ANK2: variants seen among roughly 807,000 people sequenced by gnomAD.
ANK2 encodes ankyrin-2.
Under a neutral mutation model 360.5 loss-of-function variants are expected in ANK2, and 83 were observed. The observed-to-expected ratio is 0.23, with a 90% CI of 0.19 to 0.28. The LOEUF (loss-of-function observed/expected upper bound fraction) is 0.28, where lower values mean the gene tolerates loss of function less well. ANK2 is among the 10% of genes least tolerant of loss of function. The pLI is 1.00. For missense variants in ANK2, 4,201 were observed against 4,795.7 expected (o/e 0.88, Z 3.66); for synonymous variants, 1,740 against 1,759.5 (o/e 0.99, Z 0.28).
chr4:113,271,479 GACAC>G (rs3059950), intron 14 of ANK2, among the ~76,000 whole-genome samples: 20 of 150,426 alleles, frequency 1.3e-4, no homozygotes, highest in East Asian at 1.2e-3. Flanking sequence ...TGCACGCACA[GACAC>G]ACACACACAC....
intron 1 of ANK2, among the ~76,000 whole-genome samples, chr4:113,074,846 C>T (rs893761812): frequency 6.6e-6 from 1 of 152,154 alleles, no homozygotes; most frequent in Non-Finnish European, 1.5e-5. Flanking sequence ...AACTCAAATA[C>T]GTTTATGAAG....
intron 1 of ANK2, among the ~76,000 whole-genome samples, chr4:112,877,495 A>G (rs1423290399): frequency 1.3e-5 from 2 of 152,188 alleles, no homozygotes; most frequent in Non-Finnish European, 2.9e-5. Context: ...GATTACAGGC[A>G]TGAGACACAG....
the ANK2 span, among the ~76,000 whole-genome samples, chr4:112,805,672 C>T: frequency 2.0e-5 from 3 of 151,724 alleles, no homozygotes; most frequent in Non-Finnish European, 2.9e-5. Context: ...ACCTCTGCCT[C>T]CCGGGTTCAA....
At chr4:113,154,581 A>G (rs185968600) in intron 1 of ANK2, among the ~76,000 whole-genome samples, 103 of 152,342 alleles carry the variant, frequency 6.8e-4, no homozygotes, top group Admixed American at 2.2e-3. Context: ...ATATCGACTA[A>G]TGTGAAGTGT....
chr4:112,765,688 T>C, the ANK2 span, among the ~76,000 whole-genome samples: 3 of 144,088 alleles, frequency 2.1e-5, no homozygotes, highest in South Asian at 4.8e-4. Context: ...TCAGGACTTC[T>C]GACATGTCTT....
chr4:113,221,716 A>T (rs2099154398), intron 4 of ANK2, among the ~76,000 whole-genome samples: 3 of 152,072 alleles, frequency 2.0e-5, no homozygotes, highest in Admixed American at 6.5e-5. Context: ...GACAATGTAG[A>T]TAAGTAGTTT....
intron 1 of ANK2, among the ~76,000 whole-genome samples, chr4:112,883,590 T>C (rs2077410397): frequency 6.6e-6 from 1 of 152,090 alleles, no homozygotes. Context: ...ATCGAAATCT[T>C]TAAGGAATCT....
chr4:113,026,992 G>C (rs1349272338), intron 2 of ANK2, among the ~76,000 whole-genome samples: 1 of 152,056 alleles, frequency 6.6e-6, no homozygotes, highest in African/African-American at 2.4e-5. Context: ...CAGGAGGTTG[G>C]ACACAAAGGA....
chr4:112,806,291 G>T, the ANK2 span, among the ~76,000 whole-genome samples: 1 of 152,080 alleles, frequency 6.6e-6, no homozygotes, highest in Admixed American at 6.6e-5. Flanking sequence ...GTATGAATGA[G>T]AACATGTGAA....
chr4:113,245,380 G>C (rs1022919693), intron 9 of ANK2, among the ~76,000 whole-genome samples: 1 of 152,176 alleles, frequency 6.6e-6, no homozygotes, highest in Non-Finnish European at 1.5e-5. Context: ...TTCTCATGCT[G>C]CTATGAAGAA....
the ANK2 span, among the ~76,000 whole-genome samples, chr4:112,733,790 T>A: frequency 2.0e-5 from 3 of 152,248 alleles, no homozygotes; most frequent in Non-Finnish European, 4.4e-5. Context: ...TTGTTTGTTT[T>A]TTGAGACGGA....
intron 2 of ANK2, among the ~76,000 whole-genome samples, chr4:113,012,258 G>A (rs1169635513): frequency 6.6e-6 from 1 of 152,120 alleles, no homozygotes; most frequent in Non-Finnish European, 1.5e-5. Flanking sequence ...TTTAATTACA[G>A]AACCATGGGC....
intron 1 of ANK2, among the ~76,000 whole-genome samples, chr4:112,859,974 T>C (rs1172496704): frequency 6.6e-6 from 1 of 152,232 alleles, no homozygotes; most frequent in African/African-American, 2.4e-5. Context: ...CAGTGACCAT[T>C]CTCTACTAAA....
chr4:113,248,935 G>A (rs550164409), intron 9 of ANK2, among the ~76,000 whole-genome samples: 4 of 151,664 alleles, frequency 2.6e-5, no homozygotes, highest in South Asian at 2.1e-4. Context: ...ATTACATTTC[G>A]CCTCACATTT....
At chr4:113,201,859 CA>C (rs1298926399) in intron 4 of ANK2, among the ~76,000 whole-genome samples, 2 of 151,998 alleles carry the variant, frequency 1.3e-5, no homozygotes, top group Non-Finnish European at 2.9e-5. Context: ...ATAATCATGC[CA>C]AATTATAACA....
chr4:112,769,662 T>G, the ANK2 span, among the ~76,000 whole-genome samples: 1 of 152,234 alleles, frequency 6.6e-6, no homozygotes, highest in South Asian at 2.1e-4. Context: ...AGTGCCCAGG[T>G]TAAACATCGT....
At chr4:113,078,222 A>G (rs2080913031) in intron 1 of ANK2, among the ~76,000 whole-genome samples, 1 of 152,190 alleles carries the variant, frequency 6.6e-6, no homozygotes, top group Non-Finnish European at 1.5e-5. Context: ...GACTTATGCT[A>G]CTTTGTAATG....
the ANK2 span, among the ~76,000 whole-genome samples, chr4:112,795,207 C>T: frequency 6.6e-6 from 1 of 152,132 alleles, no homozygotes; most frequent in Non-Finnish European, 1.5e-5. Flanking sequence ...ATTGAGATTA[C>T]CACTCTCCAC....
intron 2 of ANK2, among the ~76,000 whole-genome samples, chr4:112,911,105 G>A (rs1024277023): frequency 2.0e-5 from 3 of 149,660 alleles, no homozygotes; most frequent in East Asian, 2.0e-4. Context: ...TTCCAGGCAT[G>A]AGCCACCATG....
Sources: gnomAD v4.1 joint callset for allele counts (sites outside exome capture counted in the v4.1 genomes callset) on GRCh38, gnomAD v4.1.1 for gene constraint, MANE v1.5 for transcripts, NCBI Gene and HGNC (gene_info 2026-07-23, HGNC 2026-07-21) for gene names.